PTPRS: variants seen among roughly 807,000 people sequenced by gnomAD.
The protein encoded by PTPRS is receptor-type tyrosine-protein phosphatase S.
A neutral mutation model predicts 215.3 loss-of-function variants in PTPRS; 63 were observed. The ratio of observed to expected loss-of-function variants is 0.29; its 90% CI spans 0.24 to 0.36. The LOEUF (loss-of-function observed/expected upper bound fraction) is 0.36, where lower values mean the gene tolerates loss of function less well. PTPRS is among the 10% of genes least tolerant of loss of function. PTPRS has a pLI of 1.00. For missense variants in PTPRS, 2,258 were observed against 2,825.8 expected (o/e 0.80, Z 4.56); for synonymous variants, 1,404 against 1,191.4 (o/e 1.18, Z -3.68).
At chr19:5,299,963 G>A (rs964928274) in intron 1 of PTPRS, among the ~76,000 whole-genome samples, 9 of 151,944 alleles carry the variant, frequency 5.9e-5, no homozygotes, top group African/African-American at 9.7e-5. Context: ...TAAATAGGCC[G>A]GGTGCCATGG....
rs2050593860 is a variant in PTPRS at position 5,338,879 on chromosome 19, C to A, written c.-95+1785G>T. Among the ~76,000 whole-genome samples, 2 of 152,184 alleles carry A rather than the reference C, an allele frequency of 1.3e-5. No homozygotes were observed. The highest frequency in any genetic ancestry group is 2.9e-5 in the Non-Finnish European group (2 of 68,024). On this transcript the variant is annotated intron_variant, in intron 1 of 37. Coordinates refer to ENST00000262963, the MANE Select transcript of PTPRS (RefSeq NM_002850.4). This position sits in a 1 kb window ranked among gnomAD's most constrained non-coding sequence, Gnocchi z 4.2. Reference sequence around the variant, plus strand: ...AAAGAGGGAAGAAGGGCGCCCCAGACAAAGAGGCGCCGTCACCCTCTGCAC... The same window carrying A: ...AAAGAGGGAAGAAGGGCGCCCCAGAAAAAGAGGCGCCGTCACCCTCTGCAC...
At position 5,238,979 on chromosome 19, in the gene PTPRS, G is replaced by A. The variant is rs778054699; in HGVS notation, c.1789C>T (p.Arg597Cys). The change falls in exon 13 of 38, where the codon CGC becomes TGC. Residue 597 changes from arginine (R) to cysteine (C), a missense_variant. By Grantham distance (180) the Arg-to-Cys change is radical. Around this residue, in one of 6 missense-constraint regions of PTPRS, gnomAD observed 371 missense variants for 446.7 expected, o/e 0.83. Coordinates refer to ENST00000262963, the MANE Select transcript of PTPRS (RefSeq NM_002850.4). ...NTEYAFRLAA[R>C]SPQGLGAFTP... ...AAGGCGCCCAGGCCCTGCGGCGAGCGGGCCGCCAGGCGGAAGGCGTACTCC... is the reference window on the plus strand; with the variant it reads ...AAGGCGCCCAGGCCCTGCGGCGAGCAGGCCGCCAGGCGGAAGGCGTACTCC... 1.5e-5 allele frequency: 24 copies of A among 1,612,920 alleles called. No homozygotes were observed. Among genetic ancestry groups the A allele is most frequent in the Admixed American group, 1.7e-5 (1 of 59,936 alleles).
chr19:5,291,984 A>C (rs1376874699), intron 1 of PTPRS, among the ~76,000 whole-genome samples: 1 of 151,248 alleles, frequency 6.6e-6, no homozygotes, highest in Non-Finnish European at 1.5e-5. Flanking sequence ...ATACCCTTTC[A>C]CATCCTCATC....
At chr19:5,240,482 T>TTGTC in intron 11 of PTPRS, 150 bp from the exon 12 acceptor site, 1 of 706,348 alleles carries the variant, frequency 1.4e-6, no homozygotes, top group Non-Finnish European at 2.1e-6. Context: ...CCCCATCCCA[T>TTGTC]TGTCACCTGT....
At chr19:5,263,547 G>A (rs983554632) in intron 5 of PTPRS, among the ~76,000 whole-genome samples, 2 of 152,202 alleles carry the variant, frequency 1.3e-5, no homozygotes, top group African/African-American at 4.8e-5. Flanking sequence ...AGCAAAAAGA[G>A]GGGTGTGTGG....
At chr19:5,238,562 G>A (rs1332509341) in intron 13 of PTPRS, among the ~76,000 whole-genome samples, 3 of 152,178 alleles carry the variant, frequency 2.0e-5, no homozygotes, top group Admixed American at 6.5e-5. Flanking sequence ...TGGGCACAAC[G>A]TGGCCCTTCA....
chr19:5,214,139 G>A (rs780350486), intron 30 of PTPRS, among the ~76,000 whole-genome samples: 26 of 152,160 alleles, frequency 1.7e-4, no homozygotes, highest in Non-Finnish European at 2.5e-4. Flanking sequence ...GGGCTCTGCC[G>A]GCTTTGTTCT....
chr19:5,218,658 A>G, intron 24 of PTPRS, 126 bp from the exon 25 acceptor site: 1 of 1,515,122 alleles, frequency 6.6e-7, no homozygotes, highest in Non-Finnish European at 9.2e-7. Flanking sequence ...GGTTTCCAGG[A>G]CCAAGTACAG....
chr19:5,291,342 A>AG (rs1031564458), intron 1 of PTPRS, among the ~76,000 whole-genome samples: 2 of 151,830 alleles, frequency 1.3e-5, no homozygotes, highest in Non-Finnish European at 2.9e-5. Context: ...TGCATGGAGG[A>AG]GGGGGCTGGG....
intron 25 of PTPRS, among the ~76,000 whole-genome samples, 177 bp downstream of exon 25, chr19:5,218,243 C>G (rs952770470): frequency 4.6e-5 from 7 of 151,828 alleles, no homozygotes; most frequent in Non-Finnish European, 8.8e-5. Context: ...CAGAACCAAC[C>G]TATGAGTTCC....
At chr19:5,254,270 A>G (rs2045380746) in intron 9 of PTPRS, among the ~76,000 whole-genome samples, 1 of 152,258 alleles carries the variant, frequency 6.6e-6, no homozygotes, top group Non-Finnish European at 1.5e-5. Context: ...AACTTGGTCC[A>G]GGATTTAATA....
rs970179103 is a variant in PTPRS, at chr19:5,218,951, G to A, written c.3924-153C>T. On this transcript the variant is annotated intron_variant, in intron 23 of 37. Transcript: ENST00000262963. ...CTGGAAAATGGTGCTCATATTTCCT[G>A]TTTGTCCCCCTGCCTATCGACACCA... 7.3e-6 allele frequency: 6 copies of A among 825,358 alleles called. No individual in the cohort carries two copies. In the African/African-American group the frequency reaches 1.0e-4, roughly 14 times the overall value. 51.1% of individuals were successfully genotyped at this position (825,358 alleles called of 1,614,324 possible).
At chr19:5,286,335 G>A (rs2048348497) in intron 1 of PTPRS, 101 bp from the exon 2 acceptor site, 6 of 617,298 alleles carry the variant, frequency 9.7e-6, no homozygotes, top group Non-Finnish European at 1.5e-5. Context: ...GGAGGGTCCT[G>A]CGGGGGCTGG....
chr19:5,265,013 C>A lies in PTPRS; in HGVS notation c.563G>T (p.Arg188Leu). Reference protein sequence around the residue: ...SASNGRIKQLRSETFESTPIR... With the variant: ...SASNGRIKQLLSETFESTPIR... ...TGTCAGCCACCCTCACTCACCTGAT[C>A]GCAGCTGTTTGATGCGTCCATTGCT... The change falls in exon 5 of 38, where the codon CGA becomes CTA. Residue 188 changes from arginine to leucine, a missense_variant. Arg to Leu is a moderately radical substitution (Grantham distance 102). Coordinates refer to ENST00000262963, the MANE Select transcript of PTPRS (RefSeq NM_002850.4). The A allele has an allele frequency of 1.9e-6, 3 of 1,613,986 alleles. No individual in the cohort carries two copies. The highest frequency in any genetic ancestry group is 2.5e-6 in the Non-Finnish European group (3 of 1,179,962).
chr19:5,266,885 C>T (rs145433216), intron 4 of PTPRS, among the ~76,000 whole-genome samples: 1 of 152,260 alleles, frequency 6.6e-6, no homozygotes, highest in East Asian at 1.9e-4. Flanking sequence ...ATCCCCGTTC[C>T]CACATCTGTC....
intron 5 of PTPRS, among the ~76,000 whole-genome samples, chr19:5,263,964 G>A (rs1338313671): frequency 3.9e-5 from 6 of 152,304 alleles, no homozygotes; most frequent in South Asian, 2.1e-4. Flanking sequence ...GTCGTGAAGC[G>A]GGGGGACAAC....
rs1283955648 is a variant in PTPRS at position 5,215,327 on chromosome 19, G to A, written c.4280C>T (p.Ala1427Val). ...GAGGATGACACGGGAGTGGTCATAG[G>A]CGATGACGTTGGCATAGCGGTTCTT... ...KPKNRYANVI[A>V]YDHSRVILQP... Residue 1427 changes from alanine to valine, a missense_variant, in exon 28 of 38, where the codon GCC becomes GTC. Around this residue, in one of 6 missense-constraint regions of PTPRS, gnomAD observed 927 missense variants for 1,125.9 expected, o/e 0.82. Transcript: ENST00000262963. The A allele has an allele frequency of 2.5e-6, 4 of 1,614,160 alleles. No homozygotes were observed. Among genetic ancestry groups the A allele is most frequent in the African/African-American group, 1.3e-5 (1 of 75,074 alleles).
At chr19:5,315,351 GTTTTTTTTTTTT>G (rs952833168) in intron 1 of PTPRS, among the ~76,000 whole-genome samples, 6 of 79,798 alleles carry the variant, frequency 7.5e-5, no homozygotes, top group Admixed American at 4.7e-4. Flanking sequence ...TTTGAAAAGG[GTTTTTTTTTTTT>G]TTTTTTTTTT....
chr19:5,323,645 C>T (rs1172577305), intron 1 of PTPRS, among the ~76,000 whole-genome samples: 2 of 152,186 alleles, frequency 1.3e-5, no homozygotes, highest in African/African-American at 4.8e-5. Flanking sequence ...GTGGCTGGAA[C>T]AGAGTGAGGA....
Sources: gnomAD v4.1 joint callset for allele counts (sites outside exome capture counted in the v4.1 genomes callset) on GRCh38, gnomAD v4.1.1 for gene constraint, gnomAD v4.1.1 regional missense constraint, Gnocchi (gnomAD v3.1) non-coding constraint, MANE v1.5 for transcripts, NCBI Gene and HGNC (gene_info 2026-07-23, HGNC 2026-07-21) for gene names.